RUNX1T1: variants seen among roughly 807,000 people sequenced by gnomAD.
The protein encoded by RUNX1T1 is protein CBFA2T1.
RUNX1T1 carries 4 observed loss-of-function variants against 62.8 expected under a neutral mutation model. The observed-to-expected ratio is 0.06, with a 90% CI of 0.03 to 0.15. The LOEUF (loss-of-function observed/expected upper bound fraction) is 0.15, where lower values mean the gene tolerates loss of function less well. Among genes scored for constraint, RUNX1T1 ranks in the 10% least tolerant of loss-of-function variants. The probability of loss-of-function intolerance (pLI) is 1.00; values close to 1 mark genes in which losing one functional copy is unlikely to be tolerated. For synonymous variants in RUNX1T1, 291 were observed against 286.0 expected (o/e 1.02, Z -0.18); for missense variants, 508 against 754.3 (o/e 0.67, Z 3.82).
chr8:92,038,068 T>TTATTTATG (rs927087554), intron 1 of RUNX1T1, among the ~76,000 whole-genome samples: 9 of 151,934 alleles, frequency 5.9e-5, no homozygotes, highest in Admixed American at 5.9e-4. Context: ...ATTTATTTAT[T>TTATTTATG]TATGTATTCT....
At chr8:92,010,145 T>C (rs558702014) in intron 4 of RUNX1T1, 1 of 152,192 alleles carries the variant, frequency 6.6e-6, no homozygotes, top group Non-Finnish European at 1.5e-5. Flanking sequence ...GACAGAAAGG[T>C]AAATCCTCCT....
intron 10 of RUNX1T1, among the ~76,000 whole-genome samples, chr8:91,964,412 AAATAT>A (rs1811155987): frequency 6.6e-6 from 1 of 152,192 alleles, no homozygotes; most frequent in African/African-American, 2.4e-5. Flanking sequence ...TAATAAATTT[AAATAT>A]AATAGAATGA....
intron 10 of RUNX1T1, among the ~76,000 whole-genome samples, chr8:91,969,274 G>T (rs1812273425): frequency 6.6e-6 from 1 of 152,160 alleles, no homozygotes; most frequent in South Asian, 2.1e-4. Context: ...GCATGTTACT[G>T]CCTGAGTACA....
At chr8:91,955,022 C>T, downstream of RUNX1T1, 1 of 202,446 alleles carries the variant, frequency 4.9e-6, no homozygotes, top group Non-Finnish European at 1.0e-5. Flanking sequence ...GTATAGACAC[C>T]CATACAGAAC....
chr8:92,012,933 A>G (rs555300797), intron 3 of RUNX1T1, among the ~76,000 whole-genome samples: 1 of 152,298 alleles, frequency 6.6e-6, no homozygotes, highest in East Asian at 1.9e-4. Context: ...TTTAAAAAAT[A>G]TATTTTTTAA....
At chr8:91,987,785 G>A (rs1233825056) in intron 6 of RUNX1T1, among the ~76,000 whole-genome samples, 8 of 152,194 alleles carry the variant, frequency 5.3e-5, no homozygotes, top group African/African-American at 1.9e-4. Context: ...GAAAGGCTCC[G>A]AACAGAGAAA....
intron 1 of RUNX1T1, among the ~76,000 whole-genome samples, chr8:92,048,579 A>G (rs1829766842): frequency 6.6e-6 from 1 of 151,878 alleles, no homozygotes; most frequent in African/African-American, 2.4e-5. Flanking sequence ...GGAGGAAGAA[A>G]GGGAGGGGTG....
intron 1 of RUNX1T1, among the ~76,000 whole-genome samples, chr8:92,057,054 G>C (rs960631637): frequency 2.0e-5 from 3 of 152,110 alleles, no homozygotes; most frequent in African/African-American, 7.2e-5. Flanking sequence ...TAAGTCTCCT[G>C]ATGCCTATTA....
intron 2 of RUNX1T1, among the ~76,000 whole-genome samples, chr8:92,071,629 C>G (rs977846134): frequency 2.0e-5 from 3 of 152,112 alleles, no homozygotes; most frequent in Admixed American, 6.5e-5. Flanking sequence ...AGAAAGGAAC[C>G]CAGGGTTTGA....
rs770905433 is a variant in RUNX1T1 at position 92,017,272 on chromosome 8, T to C, written c.99A>G (p.Pro33=). ...TGGTTCTTGGAGCTCCTTGAGTAGT[T>C]GGGGGAGGTGGCATTGTTGGAGGAG... is the stretch of plus-strand genomic sequence containing the variant. Residue 33 remains proline, a synonymous_variant, in exon 2 of 11, where the codon CCA becomes CCG. Coordinates refer to ENST00000396218, the Ensembl canonical transcript of RUNX1T1. 1.7e-5 allele frequency: 27 copies of C among 1,614,060 alleles called. No homozygotes were observed. The South Asian group carries it at 2.7e-4, about 16-fold the overall frequency.
Position 92,044,240 on chromosome 8 carries a change from C to T in RUNX1T1, c.7+18306G>A, listed in dbSNP as rs183948877. On this transcript the variant is annotated intron_variant, in intron 1 of 10. Transcript: ENST00000396218. Reference sequence around the variant, plus strand: ...CGCTTACACAAAAATTCAATAGTAGCGATATGGGCAGAAGACAGGCAGCAG... The same window carrying T: ...CGCTTACACAAAAATTCAATAGTAGTGATATGGGCAGAAGACAGGCAGCAG... 9.0e-4 allele frequency among the ~76,000 whole-genome samples: 137 copies of T among 152,132 alleles called. 3 individuals are homozygous for T. The highest frequency in any genetic ancestry group is 3.5e-4 in the Non-Finnish European group (24 of 67,996).
chr8:92,047,363 T>C (rs529804515), intron 1 of RUNX1T1, among the ~76,000 whole-genome samples: 1 of 152,222 alleles, frequency 6.6e-6, no homozygotes, highest in East Asian at 1.9e-4. Flanking sequence ...AAATTTAAAC[T>C]GTAACCTGAC....
intron 5 of RUNX1T1, among the ~76,000 whole-genome samples, chr8:91,996,063 C>T (rs1318971418): frequency 6.6e-6 from 1 of 152,116 alleles, no homozygotes; most frequent in African/African-American, 2.4e-5. Context: ...GCAAAATTAG[C>T]GAAGACTTTT....
downstream of RUNX1T1, chr8:91,957,041 AAG>A (rs1055535646): frequency 2.3e-5 from 5 of 217,360 alleles, no homozygotes; most frequent in Non-Finnish European, 4.6e-5. Context: ...GACAGAGAAA[AAG>A]AGAAAGAGAA....
intron 1 of RUNX1T1, among the ~76,000 whole-genome samples, chr8:92,040,406 A>G (rs4415366): frequency 0.22 from 33,018 of 152,160 alleles, 3,683 homozygotes; most frequent in Middle Eastern, 0.27. Flanking sequence ...CCGAGTCTAC[A>G]TCCTATTGAT....
At chr8:92,010,949 C>A (rs1480600234) in intron 4 of RUNX1T1, 53 bp downstream of exon 5, 2 of 1,009,338 alleles carry the variant, frequency 2.0e-6, no homozygotes, top group African/African-American at 3.2e-5. Flanking sequence ...ACAGTTATGA[C>A]CTAGCAACAA....
At chr8:92,067,694 T>C (rs1417593219), upstream of RUNX1T1, among the ~76,000 whole-genome samples, 3 of 152,224 alleles carry the variant, frequency 2.0e-5, no homozygotes, top group African/African-American at 7.2e-5. Context: ...AAAAGATGTG[T>C]ATTAGTATAT....
chr8:92,097,737 C>A (rs570089531), intron 1 of RUNX1T1, among the ~76,000 whole-genome samples: 1 of 152,278 alleles, frequency 6.6e-6, no homozygotes, highest in Admixed American at 6.5e-5. Context: ...TGCCAGTGGT[C>A]TTATTTTGTA....
intron 1 of RUNX1T1, among the ~76,000 whole-genome samples, chr8:92,086,223 G>A (rs892044713): frequency 2.0e-5 from 3 of 152,180 alleles, no homozygotes; most frequent in Non-Finnish European, 2.9e-5. Context: ...TCCATATGCT[G>A]TCATCTCTAC....
Sources: allele counts gnomAD v4.1 joint callset (sites outside exome capture counted in the v4.1 genomes callset), GRCh38; gene constraint gnomAD v4.1.1; transcripts MANE v1.5; gene names NCBI Gene and HGNC (gene_info 2026-07-23, HGNC 2026-07-21).